DAB1: variants seen among roughly 807,000 people sequenced by gnomAD.
DAB1 encodes the protein DAB adaptor protein 1, also known as disabled homolog 1.
DAB1 carries 15 observed loss-of-function variants against 64.6 expected under a neutral mutation model. The ratio of observed to expected loss-of-function variants is 0.23; its 90% CI spans 0.16 to 0.36. The LOEUF is 0.36. Ranked by LOEUF, DAB1 falls within the 10% of genes least tolerant of loss-of-function variation. DAB1 has a pLI of 1.00. For synonymous variants in DAB1, 235 were observed against 251.9 expected, an observed-to-expected ratio of 0.93 and a Z score of 0.64; for missense variants, 596 against 706.7, an observed-to-expected ratio of 0.84 and a Z score of 1.78.
intron 3 of DAB1, among the ~76,000 whole-genome samples, chr1:58,432,012 G>A (rs1644881947): frequency 2.0e-5 from 3 of 152,216 alleles, no homozygotes; most frequent in Admixed American, 6.5e-5. Flanking sequence ...GCTCTGGAGC[G>A]ATGGGTTTGG....
intron 7 of DAB1, among the ~76,000 whole-genome samples, chr1:57,595,720 C>T (rs1245279001): frequency 6.6e-6 from 1 of 151,320 alleles, no homozygotes; most frequent in Non-Finnish European, 1.5e-5. Flanking sequence ...TGTGGTTTCT[C>T]TTGAAACCAT....
chr1:58,096,278 G>A (rs1166704144), intron 5 of DAB1, among the ~76,000 whole-genome samples: 1 of 152,092 alleles, frequency 6.6e-6, no homozygotes, highest in African/African-American at 2.4e-5. Context: ...GCCTCTTTTT[G>A]GTTTACTATC....
At chr1:57,827,825 G>A (rs1170385479) in intron 1 of DAB1, among the ~76,000 whole-genome samples, 1 of 152,170 alleles carries the variant, frequency 6.6e-6, no homozygotes, top group East Asian at 1.9e-4. Flanking sequence ...AAGCTCTGGT[G>A]CCACTGACAA....
At chr1:58,060,700 TGTAA>T (rs773365001) in intron 5 of DAB1, among the ~76,000 whole-genome samples, 2 of 152,210 alleles carry the variant, frequency 1.3e-5, no homozygotes, top group South Asian at 2.1e-4. Flanking sequence ...CCTCGAGTGT[TGTAA>T]GTGAGTGTGC....
At chr1:58,525,512 A>C (rs1485211131) in intron 2 of DAB1, among the ~76,000 whole-genome samples, 1 of 152,140 alleles carries the variant, frequency 6.6e-6, no homozygotes, top group Non-Finnish European at 1.5e-5. Flanking sequence ...AATCTAACAA[A>C]AGATGTGTAA....
chr1:57,934,234 T>C (rs1485233959), intron 5 of DAB1, among the ~76,000 whole-genome samples: 4 of 152,154 alleles, frequency 2.6e-5, no homozygotes, highest in Admixed American at 1.3e-4. Flanking sequence ...CTAGTCTTTT[T>C]AATTTTAGCC....
At chr1:58,369,171 T>G (rs1644241982) in intron 3 of DAB1, among the ~76,000 whole-genome samples, 1 of 152,182 alleles carries the variant, frequency 6.6e-6, no homozygotes, top group Non-Finnish European at 1.5e-5. Context: ...CAAAAGTAAT[T>G]TATTTTGTAG....
At chr1:57,608,491 T>A (rs1221350543) in intron 7 of DAB1, among the ~76,000 whole-genome samples, 1 of 152,198 alleles carries the variant, frequency 6.6e-6, no homozygotes, top group African/African-American at 2.4e-5. Context: ...TGAATCCTCA[T>A]ATCTGAAAGC....
intron 2 of DAB1, among the ~76,000 whole-genome samples, chr1:57,241,524 T>C (rs527710677): frequency 2.6e-5 from 4 of 152,294 alleles, no homozygotes; most frequent in South Asian, 4.2e-4. Flanking sequence ...AGACTCAATA[T>C]CTGTTGGGCT....
chr1:57,033,937 T>C (rs1647044719), intron 9 of DAB1, among the ~76,000 whole-genome samples: 4 of 152,208 alleles, frequency 2.6e-5, no homozygotes, highest in Non-Finnish European at 1.5e-5. Context: ...AGCCAAACTT[T>C]ACAGCTGGTT....
At chr1:57,322,523 A>G (rs988227680) in intron 1 of DAB1, among the ~76,000 whole-genome samples, 3 of 152,034 alleles carry the variant, frequency 2.0e-5, no homozygotes, top group Admixed American at 6.6e-5. Flanking sequence ...AACCTTCTGA[A>G]CCACTTTTTC....
chr1:58,209,059 G>C (rs933720372), intron 4 of DAB1, among the ~76,000 whole-genome samples: 3 of 152,270 alleles, frequency 2.0e-5, no homozygotes, highest in African/African-American at 7.2e-5. Flanking sequence ...TTTTTCAGGA[G>C]ATAAGTGAGG....
At chr1:57,337,006 T>TTATCCAATCAGTGA (rs373721476) in intron 1 of DAB1, among the ~76,000 whole-genome samples, 57 of 152,240 alleles carry the variant, frequency 3.7e-4, no homozygotes, top group African/African-American at 1.3e-3. Flanking sequence ...AGAGAGTGTG[T>TTATCCAATCAGTGA]TATCCAATCA....
At chr1:58,417,335 G>A (rs1331225278) in intron 3 of DAB1, among the ~76,000 whole-genome samples, 1 of 152,246 alleles carries the variant, frequency 6.6e-6, no homozygotes, top group Admixed American at 6.5e-5. Flanking sequence ...GATCTTGGGA[G>A]GAGGGTGCAA....
At chr1:57,924,936 T>G (rs1454390696) in intron 5 of DAB1, among the ~76,000 whole-genome samples, 2 of 152,222 alleles carry the variant, frequency 1.3e-5, no homozygotes, top group African/African-American at 2.4e-5. Context: ...TAAATTGTAT[T>G]AGTTATTAAT....
chr1:58,478,209 TACTC>T (rs1216798275), intron 3 of DAB1, among the ~76,000 whole-genome samples: 4 of 152,172 alleles, frequency 2.6e-5, no homozygotes, highest in Non-Finnish European at 4.4e-5. Context: ...TCCCTGCTCT[TACTC>T]ACTCTCTCTT....
intron 1 of DAB1, among the ~76,000 whole-genome samples, chr1:57,367,336 T>A (rs74806710): frequency 0.082 from 12,513 of 152,106 alleles, 580 homozygotes; most frequent in Middle Eastern, 0.12. Context: ...TTCGGAAGTC[T>A]GAAAGAAAGT....
At chr1:57,175,031 A>G (rs1209328490) in intron 2 of DAB1, among the ~76,000 whole-genome samples, 1 of 152,198 alleles carries the variant, frequency 6.6e-6, no homozygotes, top group African/African-American at 2.4e-5. Context: ...AACAGAGCAC[A>G]CGGACTCAGA....
intron 9 of DAB1, among the ~76,000 whole-genome samples, chr1:57,030,816 T>A (rs1646943337): frequency 6.6e-6 from 1 of 152,218 alleles, no homozygotes; most frequent in African/African-American, 2.4e-5. Flanking sequence ...TTAGACCCTC[T>A]TCCAAATTCA....
Sources: allele counts gnomAD v4.1 joint callset (sites outside exome capture counted in the v4.1 genomes callset), GRCh38; gene constraint gnomAD v4.1.1; transcripts MANE v1.5; gene names NCBI Gene and HGNC (gene_info 2026-07-23, HGNC 2026-07-21).